Variants in TRIM44 observed in about 807,000 individuals in gnomAD.
The protein encoded by TRIM44 is tripartite motif containing 44, also known as tripartite motif-containing protein 44.
TRIM44 carries 13 observed loss-of-function variants against 37.4 expected under a neutral mutation model. The ratio of observed to expected loss-of-function variants is 0.35; its 90% confidence interval spans 0.23 to 0.55. The LOEUF (loss-of-function observed/expected upper bound fraction) is 0.55, where lower values mean the gene tolerates loss of function less well. TRIM44 is among the 20% of genes least tolerant of loss of function. The pLI is 0.89. For synonymous variants in TRIM44, 175 were observed against 157.2 expected, an observed-to-expected ratio of 1.11 and a Z score of -0.85; for missense variants, 426 against 437.2, an observed-to-expected ratio of 0.97 and a Z score of 0.23.
At chr11:35,760,919 T>C (rs759675733) in intron 4 of TRIM44, among the ~76,000 whole-genome samples, 2 of 152,226 alleles carry the variant, frequency 1.3e-5, no homozygotes, top group Non-Finnish European at 2.9e-5. Context: ...TGTAATTTTA[T>C]ATCCTTTGGC....
intron 2 of TRIM44, among the ~76,000 whole-genome samples, chr11:35,714,185 A>G (rs182407385): frequency 3.1e-4 from 47 of 152,262 alleles, no homozygotes; most frequent in African/African-American, 7.9e-4. Flanking sequence ...CTCAGTAGAT[A>G]CCATATGGGA....
chr11:35,767,920 A>G (rs994383061), intron 4 of TRIM44, among the ~76,000 whole-genome samples: 9 of 152,196 alleles, frequency 5.9e-5, no homozygotes, highest in Admixed American at 1.3e-4. Context: ...CTTGGCCCCA[A>G]GTGGCAGCTG....
At chr11:35,727,169 A>C (rs906124330) in intron 3 of TRIM44, among the ~76,000 whole-genome samples, 3 of 152,106 alleles carry the variant, frequency 2.0e-5, no homozygotes, top group African/African-American at 7.2e-5. Flanking sequence ...AAAAAAAAAA[A>C]AAACCAAAAA....
chr11:35,799,196 T>C (rs552592365), intron 4 of TRIM44, among the ~76,000 whole-genome samples: 1 of 152,344 alleles, frequency 6.6e-6, no homozygotes, highest in East Asian at 1.9e-4. Flanking sequence ...CCTTTTAATC[T>C]TCCATAGAAG....
intron 1 of TRIM44, among the ~76,000 whole-genome samples, chr11:35,678,341 A>G (rs1851483741): frequency 6.6e-6 from 1 of 152,156 alleles, no homozygotes; most frequent in African/African-American, 2.4e-5. Flanking sequence ...TGGATATGGC[A>G]TATATTTTAG....
chr11:35,776,654 T>C (rs1313474877), intron 4 of TRIM44, among the ~76,000 whole-genome samples: 2 of 152,234 alleles, frequency 1.3e-5, no homozygotes, highest in African/African-American at 2.4e-5. Context: ...TTCTGGTATG[T>C]TGTGTCTTTG....
intron 4 of TRIM44, among the ~76,000 whole-genome samples, chr11:35,776,620 A>G (rs1852966856): frequency 6.6e-6 from 1 of 152,160 alleles, no homozygotes; most frequent in African/African-American, 2.4e-5. Flanking sequence ...CCCTCTACAC[A>G]CTGCTTTAAA....
chr11:35,735,561 A>G (rs1160410797), intron 4 of TRIM44, 116 bp downstream of exon 4: 25 of 1,014,878 alleles, frequency 2.5e-5, no homozygotes, highest in African/African-American at 4.8e-5. Flanking sequence ...AGGGATCTCT[A>G]TCTTAAGCCT....
chr11:35,795,568 G>A (rs1460102046), intron 4 of TRIM44, among the ~76,000 whole-genome samples: 6 of 152,108 alleles, frequency 3.9e-5, no homozygotes, highest in Non-Finnish European at 8.8e-5. Flanking sequence ...CATGATAGCT[G>A]TCACCGTCTT....
At position 35,789,619 on chromosome 11, in the gene TRIM44, C is replaced by T. The variant is rs1853176730; in HGVS notation, c.1008-16739C>T. On this transcript the variant is annotated intron_variant, in intron 4 of 4. Transcript: ENST00000299413. ...GCTGTGCACTCCTGCTCCTCTTAGC[C>T]TAAAAGGCAAGGTTGAGAGTTCTGA... Among the ~76,000 whole-genome samples, 5 of 152,174 alleles carry T rather than the reference C, an allele frequency of 3.3e-5. No homozygotes were observed. In the South Asian group the frequency reaches 1.0e-3, roughly 32 times the overall value.
At chr11:35,679,832 T>G (rs1851504400) in intron 1 of TRIM44, among the ~76,000 whole-genome samples, 1 of 152,226 alleles carries the variant, frequency 6.6e-6, no homozygotes, top group Non-Finnish European at 1.5e-5. Flanking sequence ...GCTTTTGATC[T>G]GGTCCATCTT....
At chr11:35,741,749 T>C (rs1293337328) in intron 4 of TRIM44, among the ~76,000 whole-genome samples, 1 of 152,114 alleles carries the variant, frequency 6.6e-6, no homozygotes, top group Admixed American at 6.6e-5. Context: ...TTCCCTAACC[T>C]CTCAGACAAC....
chr11:35,735,345 A>T (rs1349342134), intron 3 of TRIM44, 81 bp from the exon 4 acceptor site: 1 of 1,409,934 alleles, frequency 7.1e-7, no homozygotes, highest in Non-Finnish European at 1.0e-6. Flanking sequence ...AGGTTGGGAG[A>T]GGGGAGGGAA....
At chr11:35,768,021 T>C (rs1852819684) in intron 4 of TRIM44, among the ~76,000 whole-genome samples, 1 of 152,194 alleles carries the variant, frequency 6.6e-6, no homozygotes, top group African/African-American at 2.4e-5. Flanking sequence ...GTTGCAGTTA[T>C]AACATTCACT....
At chr11:35,777,308 G>C (rs754345928) in intron 4 of TRIM44, among the ~76,000 whole-genome samples, 3 of 152,086 alleles carry the variant, frequency 2.0e-5, no homozygotes, top group Non-Finnish European at 2.9e-5. Context: ...CGTTTGCTTA[G>C]TAGATCTTCC....
rs1853500308 is a variant in TRIM44 at position 35,809,431 on chromosome 11, A to C, written c.*3046A>C. 1 of 152,156 alleles carries C rather than the reference A, an allele frequency of 6.6e-6. No individual in the cohort carries two copies. The highest frequency in any genetic ancestry group is 1.5e-5 in the Non-Finnish European group (1 of 68,016). The allele number at this position is 152,156 out of a possible 1,614,324, so 9.4% of individuals were successfully genotyped here. A position where few individuals can be genotyped will look rare whatever the true frequency, so the allele number is the denominator to read the frequency against. ...ATTTATGAATCTTCTTCAAAATGACATTTCACAGTTATAGTTAGGGCTCAG... is the reference window on the plus strand; with the variant it reads ...ATTTATGAATCTTCTTCAAAATGACCTTTCACAGTTATAGTTAGGGCTCAG... On this transcript the variant is annotated 3_prime_UTR_variant, in exon 5 of 5. Transcript: ENST00000299413.
intron 2 of TRIM44, among the ~76,000 whole-genome samples, chr11:35,701,283 T>A (rs1007508923): frequency 1.3e-5 from 2 of 151,648 alleles, no homozygotes; most frequent in Non-Finnish European, 2.9e-5. Flanking sequence ...CGAAACGGGG[T>A]CTTTTGCGCA....
chr11:35,712,432 C>T (rs1036733460), intron 2 of TRIM44, among the ~76,000 whole-genome samples: 1 of 152,134 alleles, frequency 6.6e-6, no homozygotes, highest in Non-Finnish European at 1.5e-5. Context: ...ACCTCCTCTT[C>T]TCCCTTCCCC....
intron 1 of TRIM44, among the ~76,000 whole-genome samples, chr11:35,676,499 C>T (rs551439162): frequency 3.3e-5 from 5 of 152,344 alleles, no homozygotes; most frequent in African/African-American, 7.2e-5. Flanking sequence ...GCCTTATGCA[C>T]TAGCTAACCA....
Sources: allele counts gnomAD v4.1 joint callset (sites outside exome capture counted in the v4.1 genomes callset), GRCh38; gene constraint gnomAD v4.1.1; transcripts MANE v1.5; gene names NCBI Gene and HGNC (gene_info 2026-07-23, HGNC 2026-07-21).